Variants in SCHIP1 observed in about 807,000 individuals in gnomAD.
SCHIP1 encodes the protein schwannomin-interacting protein 1.
Under a neutral mutation model 29.7 loss-of-function variants are expected in SCHIP1, and 8 were observed. The ratio of observed to expected loss-of-function variants is 0.27; its 90% confidence interval spans 0.16 to 0.49. The LOEUF (loss-of-function observed/expected upper bound fraction) is 0.49. SCHIP1 is among the 20% of genes least tolerant of loss of function. SCHIP1 has a pLI of 0.99. For missense variants in SCHIP1, 193 were observed against 294.6 expected (o/e 0.66, Z 2.52); for synonymous variants, 76 against 94.9 (o/e 0.80, Z 1.16).
the SCHIP1 span, among the ~76,000 whole-genome samples, chr3:159,798,106 G>A: frequency 6.6e-6 from 1 of 152,128 alleles, no homozygotes; most frequent in Admixed American, 6.5e-5. Context: ...TTTGGTTTTG[G>A]TCTGTTGGGT....
chr3:159,376,372 C>T, the SCHIP1 span, among the ~76,000 whole-genome samples: 1 of 152,154 alleles, frequency 6.6e-6, no homozygotes, highest in Admixed American at 6.5e-5. Flanking sequence ...GTCAACCTGG[C>T]ACAACCATTG....
chr3:159,539,659 C>T, the SCHIP1 span, among the ~76,000 whole-genome samples: 981 of 135,874 alleles, frequency 7.2e-3, 110 homozygotes, highest in African/African-American at 0.024. Flanking sequence ...GTGAGCATGA[C>T]TCAGTAATGA....
chr3:159,529,615 C>T, the SCHIP1 span, among the ~76,000 whole-genome samples: 21 of 152,170 alleles, frequency 1.4e-4, no homozygotes, highest in Non-Finnish European at 2.2e-4. Context: ...GTATTGGGAA[C>T]ATTCCACATC....
chr3:159,558,237 G>A, the SCHIP1 span, among the ~76,000 whole-genome samples: 7 of 152,126 alleles, frequency 4.6e-5, no homozygotes, highest in Non-Finnish European at 8.8e-5. Flanking sequence ...AGAGAAAAAC[G>A]GGAAGTATGC....
At chr3:159,607,957 C>A in the SCHIP1 span, among the ~76,000 whole-genome samples, 2 of 152,148 alleles carry the variant, frequency 1.3e-5, no homozygotes, top group African/African-American at 2.4e-5. Context: ...GGGAGGAGAG[C>A]CCCTAGCACA....
the SCHIP1 span, among the ~76,000 whole-genome samples, chr3:159,496,754 A>G: frequency 7.2e-5 from 11 of 152,216 alleles, no homozygotes; most frequent in East Asian, 9.7e-4. Context: ...CCCATTACTG[A>G]GTATATACCC....
At chr3:159,400,576 T>A in the SCHIP1 span, among the ~76,000 whole-genome samples, 123,972 of 152,172 alleles carry the variant, frequency 0.81, 50,765 homozygotes, top group African/African-American at 0.86. Flanking sequence ...GCTGTTGAAT[T>A]TCAAAGCTCC....
the SCHIP1 span, chr3:159,274,970 T>C: frequency 1.0e-6 from 1 of 983,244 alleles, no homozygotes; most frequent in African/African-American, 1.7e-5. Flanking sequence ...TTCTTTCTGT[T>C]ATGGATAATT....
the SCHIP1 span, among the ~76,000 whole-genome samples, chr3:159,687,052 TC>T: frequency 6.6e-6 from 1 of 152,202 alleles, no homozygotes; most frequent in African/African-American, 2.4e-5. Flanking sequence ...CTTCTTTATG[TC>T]CTCTGATTTG....
chr3:159,637,968 C>T, the SCHIP1 span, among the ~76,000 whole-genome samples: 1 of 152,126 alleles, frequency 6.6e-6, no homozygotes, highest in Non-Finnish European at 1.5e-5. Flanking sequence ...ATCTATGTAT[C>T]ACAATGTGAA....
At chr3:159,273,402 A>G in the SCHIP1 span, 5 of 1,002,022 alleles carry the variant, frequency 5.0e-6, no homozygotes, top group African/African-American at 6.9e-5. Flanking sequence ...TTTTAATCGA[A>G]AAGTAGATCA....
the SCHIP1 span, among the ~76,000 whole-genome samples, chr3:159,347,415 T>C: frequency 1.3e-5 from 2 of 152,210 alleles, no homozygotes; most frequent in Non-Finnish European, 2.9e-5. Flanking sequence ...CTACTTAACC[T>C]CTGTGAGTTA....
chr3:159,515,370 G>A, the SCHIP1 span, among the ~76,000 whole-genome samples: 2 of 152,256 alleles, frequency 1.3e-5, no homozygotes, highest in East Asian at 3.9e-4. Flanking sequence ...AATAAAGGAA[G>A]AAAGGAGTCA....
the SCHIP1 span, among the ~76,000 whole-genome samples, chr3:159,558,646 A>G: frequency 9.9e-5 from 15 of 152,194 alleles, no homozygotes; most frequent in African/African-American, 3.6e-4. Flanking sequence ...CCCAGAAGTT[A>G]ATCTGGAAGT....
the SCHIP1 span, among the ~76,000 whole-genome samples, chr3:159,292,139 G>C: frequency 4.6e-5 from 7 of 151,910 alleles, no homozygotes; most frequent in African/African-American, 1.7e-4. Context: ...AATTCTAGGG[G>C]TAAAATAACC....
the SCHIP1 span, among the ~76,000 whole-genome samples, chr3:159,781,536 TGA>T: frequency 6.6e-6 from 1 of 152,244 alleles, no homozygotes; most frequent in Non-Finnish European, 1.5e-5. Context: ...GCACACAAAA[TGA>T]TGTCTGCCAA....
At chr3:159,288,458 A>C in the SCHIP1 span, among the ~76,000 whole-genome samples, 5 of 152,108 alleles carry the variant, frequency 3.3e-5, no homozygotes, top group Non-Finnish European at 7.4e-5. Context: ...GTGCACTGAC[A>C]ATAGAATCAA....
At chr3:159,593,086 G>C in the SCHIP1 span, among the ~76,000 whole-genome samples, 1 of 152,132 alleles carries the variant, frequency 6.6e-6, no homozygotes, top group Non-Finnish European at 1.5e-5. Flanking sequence ...TGCAGGATGA[G>C]AGTAGAAATC....
chr3:159,669,051 G>C, the SCHIP1 span, among the ~76,000 whole-genome samples: 1 of 152,152 alleles, frequency 6.6e-6, no homozygotes. Flanking sequence ...TTTAAGGAAG[G>C]GCTGCATGGG....
Sources: gnomAD v4.1 joint callset for allele counts (sites outside exome capture counted in the v4.1 genomes callset) on GRCh38, gnomAD v4.1.1 for gene constraint, MANE v1.5 for transcripts, NCBI Gene and HGNC (gene_info 2026-07-23, HGNC 2026-07-21) for gene names.